INPP5K: variants seen among roughly 807,000 people sequenced by gnomAD.
INPP5K encodes inositol polyphosphate-5-phosphatase K.
Under a neutral mutation model 53.5 loss-of-function variants are expected in INPP5K, and 35 were observed. The ratio of observed to expected loss-of-function variants is 0.65; its 90% CI spans 0.50 to 0.87. The LOEUF (loss-of-function observed/expected upper bound fraction) is 0.87. INPP5K is among the 40% of genes least tolerant of loss of function. The probability of loss-of-function intolerance (pLI) is 0.00; values close to 1 mark genes in which losing one functional copy is unlikely to be tolerated. For synonymous variants in INPP5K, 253 were observed against 232.8 expected, an observed-to-expected ratio of 1.09 and a Z score of -0.79; for missense variants, 550 against 586.2, an observed-to-expected ratio of 0.94 and a Z score of 0.64.
intron 5 of INPP5K, 47 bp downstream of exon 5, chr17:1,509,131 T>C (rs761873936): frequency 2.7e-5 from 32 of 1,196,914 alleles, no homozygotes; most frequent in Middle Eastern, 3.0e-4. Flanking sequence ...TAGTGGGGGT[T>C]AGCGTGGGGC....
rs528097077 is a variant in INPP5K, at chr17:1,496,239, C to T, written c.1186-75G>A. On this transcript the variant is annotated intron_variant, in intron 10 of 11. Transcript: ENST00000421807. Reference sequence around the variant, plus strand: ...ACCCAGCTCTGAGTGACAAGTTATTCAGCACTCTGTTCCTTCCACAAGACA... The same window carrying T: ...ACCCAGCTCTGAGTGACAAGTTATTTAGCACTCTGTTCCTTCCACAAGACA... The T allele has an allele frequency of 4.7e-6, 7 of 1,499,654 alleles. No homozygotes were observed. In the East Asian group the frequency reaches 7.2e-5, roughly 15 times the overall value. 92.9% of individuals were successfully genotyped at this position (1,499,654 alleles called of 1,614,324 possible). A position where few individuals can be genotyped will look rare whatever the true frequency, so the allele number is the denominator to read the frequency against.
chr17:1,496,345 C>T lies in INPP5K; in HGVS notation c.1159G>A (p.Val387Ile). The T allele has an allele frequency of 6.4e-7, 1 of 1,563,278 alleles. No individual in the cohort carries two copies. Among genetic ancestry groups the T allele is most frequent in the Non-Finnish European group, 8.7e-7 (1 of 1,153,240 alleles). The change falls in exon 10 of 12, where the codon GTC (valine) becomes ATC (isoleucine). Residue 387 changes from valine to isoleucine, a missense_variant. Coordinates refer to ENST00000421807, the MANE Select transcript of INPP5K (RefSeq NM_016532.4). ...VSYAWVGDSK[V>I]SCSDNLNQVY... ...TGGTTCAGGTTGTCGCTGCAGGAGACCTTGCTGTCCCCGACCCAGGCATAG... is the reference window on the plus strand; with the variant it reads ...TGGTTCAGGTTGTCGCTGCAGGAGATCTTGCTGTCCCCGACCCAGGCATAG...
At chr17:1,510,152 G>C (rs966316535) in intron 3 of INPP5K, among the ~76,000 whole-genome samples, 1 of 152,228 alleles carries the variant, frequency 6.6e-6, no homozygotes, top group Non-Finnish European at 1.5e-5. Flanking sequence ...TTTTCTCATT[G>C]ATAAAGTAGG....
chr17:1,504,143 C>T (rs1428487259), intron 7 of INPP5K, among the ~76,000 whole-genome samples: 1 of 152,208 alleles, frequency 6.6e-6, no homozygotes, highest in African/African-American at 2.4e-5. Context: ...GGCTTGGTAA[C>T]ATATGCCAGG....
intron 3 of INPP5K, among the ~76,000 whole-genome samples, chr17:1,511,886 C>T (rs4566238): frequency 3.5e-4 from 43 of 124,178 alleles, no homozygotes; most frequent in Non-Finnish European, 5.2e-4. Context: ...AGGGTGGGGT[C>T]GGGGCAGGAC....
At chr17:1,506,034 AT>A (rs745820474) in intron 7 of INPP5K, among the ~76,000 whole-genome samples, 73 of 152,064 alleles carry the variant, frequency 4.8e-4, no homozygotes, top group Non-Finnish European at 8.7e-4. Context: ...TTTTATTATT[AT>A]TTTTTTGAGA....
intron 3 of INPP5K, among the ~76,000 whole-genome samples, chr17:1,513,088 G>T (rs1234852207): frequency 6.6e-6 from 1 of 152,188 alleles, no homozygotes; most frequent in East Asian, 1.9e-4. Context: ...GTAAGCACTT[G>T]ATAAATGACA....
At chr17:1,513,079 T>C (rs1034186342) in intron 3 of INPP5K, among the ~76,000 whole-genome samples, 16 of 152,198 alleles carry the variant, frequency 1.1e-4, no homozygotes, top group Non-Finnish European at 8.8e-5. Flanking sequence ...TAACAACAAG[T>C]AAGCACTTGA....
At chr17:1,513,167 C>T (rs1262133125) in intron 3 of INPP5K, among the ~76,000 whole-genome samples, 1 of 152,116 alleles carries the variant, frequency 6.6e-6, no homozygotes, top group Non-Finnish European at 1.5e-5. Context: ...GGGCAGCGGC[C>T]AGCACTGAGG....
chr17:1,505,142 AT>A (rs937838025), intron 7 of INPP5K, among the ~76,000 whole-genome samples: 48 of 147,550 alleles, frequency 3.3e-4, no homozygotes, highest in Middle Eastern at 3.5e-3. Flanking sequence ...TTTAAAGAGG[AT>A]TTTTTTTTTT....
At chr17:1,505,331 G>A (rs1598378089) in intron 7 of INPP5K, among the ~76,000 whole-genome samples, 1 of 152,084 alleles carries the variant, frequency 6.6e-6, no homozygotes. Flanking sequence ...TAACTATGTT[G>A]CCCAGGCAGG....
At chr17:1,507,445 G>A in intron 6 of INPP5K, 1 of 249,184 alleles carries the variant, frequency 4.0e-6, no homozygotes, top group Non-Finnish European at 7.6e-6. Flanking sequence ...CACCCTCCAA[G>A]AGGGAAACGA....
chr17:1,498,731 G>A (rs1448117592), intron 7 of INPP5K, among the ~76,000 whole-genome samples: 1 of 152,084 alleles, frequency 6.6e-6, no homozygotes, highest in Non-Finnish European at 1.5e-5. Context: ...CCTCCTGAGT[G>A]GCTGGGACGG....
chr17:1,503,906 C>T (rs890771666), intron 7 of INPP5K, among the ~76,000 whole-genome samples: 8 of 152,148 alleles, frequency 5.3e-5, no homozygotes, highest in African/African-American at 1.9e-4. Flanking sequence ...CACACTAACG[C>T]TCACAGTCAC....
intron 7 of INPP5K, among the ~76,000 whole-genome samples, chr17:1,502,874 G>A (rs1259053287): frequency 6.6e-6 from 1 of 151,450 alleles, no homozygotes; most frequent in African/African-American, 2.4e-5. Flanking sequence ...GACTTCAGGG[G>A]TACACACCAT....
At chr17:1,497,909 C>A in intron 8 of INPP5K, 27 bp downstream of exon 8, 1 of 1,593,800 alleles carries the variant, frequency 6.3e-7, no homozygotes. Context: ...ATTCCTCTGG[C>A]AAGTATCAGG....
At chr17:1,498,318 C>T (rs1167579330) in intron 7 of INPP5K, 196 bp from the exon 8 acceptor site, 1 of 489,700 alleles carries the variant, frequency 2.0e-6, no homozygotes, top group Non-Finnish European at 3.7e-6. Context: ...AGTATGCCAG[C>T]ACTTGTCAGA....
chr17:1,509,847 A>G, intron 3 of INPP5K, 48 bp from the exon 4 acceptor site: 1 of 1,142,074 alleles, frequency 8.8e-7, no homozygotes, highest in Admixed American at 1.8e-5. Flanking sequence ...ACACAGGCCA[A>G]GTGCATCCCT....
Position 1,513,371 on chromosome 17 carries a change from A to G in INPP5K, c.261+82T>C, listed in dbSNP as rs1378884873. 7.6e-6 allele frequency: 8 copies of G among 1,053,618 alleles called. No homozygotes were observed. The East Asian group carries it at 1.4e-4, about 19-fold the overall frequency. 65.3% of individuals were successfully genotyped at this position (1,053,618 alleles called of 1,614,324 possible). On this transcript the variant is annotated intron_variant, in intron 3 of 11. Coordinates refer to ENST00000421807, the MANE Select transcript of INPP5K (RefSeq NM_016532.4). ...GCATGAAAGGCTGAGCAGGAGTAAG[A>G]GGAACACATCAGACCCAACAAGCAG...
Sources: gnomAD v4.1 joint callset for allele counts (sites outside exome capture counted in the v4.1 genomes callset) on GRCh38, gnomAD v4.1.1 for gene constraint, MANE v1.5 for transcripts, NCBI Gene and HGNC (gene_info 2026-07-23, HGNC 2026-07-21) for gene names.